Variants in TANC1 observed in about 807,000 individuals in gnomAD.
TANC1 encodes protein TANC1.
Under a neutral mutation model 149.7 loss-of-function variants are expected in TANC1, and 77 were observed. That is an observed-to-expected ratio of 0.51 (90% CI 0.43 to 0.62). The LOEUF (loss-of-function observed/expected upper bound fraction) is 0.62, where lower values mean the gene tolerates loss of function less well. Among genes scored for constraint, TANC1 ranks in the 20% least tolerant of loss-of-function variants. The pLI, the probability that TANC1 is intolerant of heterozygous loss-of-function variation, is 0.00. For synonymous variants in TANC1, 854 were observed against 925.0 expected (o/e 0.92, Z 1.39); for missense variants, 1,985 against 2,321.8 (o/e 0.85, Z 2.98).
chr2:159,068,114 T>C (rs887030789), intron 3 of TANC1, among the ~76,000 whole-genome samples: 2 of 152,204 alleles, frequency 1.3e-5, no homozygotes, highest in African/African-American at 2.4e-5. Context: ...CTGGTTGTAT[T>C]AGGCTAGCAA....
chr2:159,062,973 C>CAAAGAAAAAAA (rs2042358553), intron 2 of TANC1, among the ~76,000 whole-genome samples: 1 of 41,216 alleles, frequency 2.4e-5, no homozygotes, highest in Non-Finnish European at 5.4e-5. Flanking sequence ...GACTCCGTCT[C>CAAAGAAAAAAA]AAAAAAAAAA....
intron 19 of TANC1, among the ~76,000 whole-genome samples, chr2:159,208,575 G>T (rs1202148319): frequency 1.3e-5 from 2 of 152,150 alleles, no homozygotes; most frequent in African/African-American, 4.8e-5. Flanking sequence ...CGGTGAAAAT[G>T]GGTTCATGTC....
intron 5 of TANC1, chr2:159,148,893 G>A (rs1222748063): frequency 1.5e-5 from 5 of 332,230 alleles, no homozygotes; most frequent in South Asian, 9.5e-5. Context: ...AGGAATTGCC[G>A]TCAGATAACA....
intron 4 of TANC1, among the ~76,000 whole-genome samples, chr2:159,128,786 G>C (rs895780265): frequency 6.6e-5 from 10 of 152,188 alleles, no homozygotes; most frequent in Admixed American, 2.6e-4. Context: ...TCTTTTGTTG[G>C]GGGGGCAGGG....
At position 159,231,370 on chromosome 2, in the gene TANC1, A is replaced by G. The variant is rs1387628159; in HGVS notation, c.*358A>G. The stretch of plus-strand genomic sequence containing the variant: ...AGAGAATAAATATGTCTATTGTTCA[A>G]GAGTAACAGGTTTAACTCATGACCA... On this transcript the variant is annotated 3_prime_UTR_variant, in exon 27 of 27. Coordinates refer to ENST00000263635, the MANE Select transcript of TANC1 (RefSeq NM_033394.3). The G allele has an allele frequency of 1.1e-5, 2 of 187,956 alleles. No individual in the cohort carries two copies. Among genetic ancestry groups the G allele is most frequent in the Non-Finnish European group, 2.2e-5 (2 of 89,470 alleles). 11.6% of individuals were successfully genotyped at this position (187,956 alleles called of 1,614,324 possible).
intron 3 of TANC1, among the ~76,000 whole-genome samples, chr2:159,076,612 A>G (rs2043706409): frequency 6.6e-6 from 1 of 152,232 alleles, no homozygotes; most frequent in African/African-American, 2.4e-5. Flanking sequence ...ACTTCTATCC[A>G]TGGCTGCATG....
At chr2:159,153,684 G>C (rs2053108453) in intron 7 of TANC1, among the ~76,000 whole-genome samples, 1 of 152,204 alleles carries the variant, frequency 6.6e-6, no homozygotes. Context: ...GGGACAGAAA[G>C]GGGAAGAGCT....
intron 4 of TANC1, among the ~76,000 whole-genome samples, chr2:159,101,267 C>A (rs1171011699): frequency 6.6e-6 from 1 of 152,154 alleles, no homozygotes; most frequent in African/African-American, 2.4e-5. Context: ...AACAATTATT[C>A]TTGCAAGGAT....
At chr2:159,193,511 A>G (rs59554153) in intron 16 of TANC1, among the ~76,000 whole-genome samples, 2,205 of 152,038 alleles carry the variant, frequency 0.015, 45 homozygotes, top group African/African-American at 0.041. Flanking sequence ...TGGCCGTTCT[A>G]TTGTTATTTT....
chr2:159,186,784 G>A (rs2057000721), intron 15 of TANC1, 118 bp from the exon 16 acceptor site: 2 of 1,298,742 alleles, frequency 1.5e-6, no homozygotes, highest in African/African-American at 1.5e-5. Context: ...CGTGCCTTCT[G>A]CAGGTATCTG....
intron 4 of TANC1, among the ~76,000 whole-genome samples, chr2:159,106,918 T>C (rs2047241941): frequency 6.6e-6 from 1 of 152,260 alleles, no homozygotes; most frequent in African/African-American, 2.4e-5. Context: ...GTTTTTATAT[T>C]CTGAATACAG....
chr2:159,045,325 G>A (rs552395121), intron 2 of TANC1, among the ~76,000 whole-genome samples: 11 of 152,118 alleles, frequency 7.2e-5, no homozygotes, highest in Admixed American at 1.3e-4. Flanking sequence ...CCAGCTACTC[G>A]GGAGGCTGAG....
chr2:159,176,953 A>G (rs1053594291), intron 13 of TANC1, among the ~76,000 whole-genome samples: 3 of 123,616 alleles, frequency 2.4e-5, no homozygotes, highest in African/African-American at 9.4e-5. Context: ...TCTGTCACCC[A>G]GGATGGAGTG....
chr2:159,192,238 G>A (rs1015816905), intron 16 of TANC1, among the ~76,000 whole-genome samples: 1 of 152,032 alleles, frequency 6.6e-6, no homozygotes, highest in African/African-American at 2.4e-5. Context: ...GTTTCTTTTA[G>A]GAACACATCC....
At chr2:159,059,522 T>TAA (rs141438734) in intron 2 of TANC1, among the ~76,000 whole-genome samples, 74 of 147,624 alleles carry the variant, frequency 5.0e-4, no homozygotes, top group African/African-American at 1.7e-3. Flanking sequence ...ACCAAATATA[T>TAA]AAAAAAAAAA....
chr2:159,187,011 C>T lies in TANC1; in HGVS notation c.2729C>T (p.Thr910Ile), dbSNP rs2057027015. 5 of 1,614,186 alleles carry T rather than the reference C, an allele frequency of 3.1e-6. No individual in the cohort carries two copies. The highest frequency in any genetic ancestry group is 4.2e-6 in the Non-Finnish European group (5 of 1,180,016). The change falls in exon 16 of 27, where the codon ACT becomes ATT. Residue 910 changes from threonine (T) to isoleucine (I), a missense_variant. Physicochemically the swap from Thr to Ile is moderately conservative, Grantham distance 89 (BLOSUM62 -1). Transcript: ENST00000263635. ...AALASLRNLY[T>I]PNVKVSRLLI... is the part of the protein sequence containing the mutation. ...CTGGCCTCTCTCAGGAATCTCTATA[C>T]TCCCAACGTGAAGGTGAGCAACCTT...
intron 3 of TANC1, among the ~76,000 whole-genome samples, chr2:159,084,286 G>C (rs191581280): frequency 2.0e-5 from 3 of 151,612 alleles, no homozygotes; most frequent in Non-Finnish European, 2.9e-5. Flanking sequence ...CATTTTCTTC[G>C]TCACTCCTAG....
chr2:159,141,551 C>T (rs2051369387), intron 5 of TANC1, among the ~76,000 whole-genome samples: 1 of 152,154 alleles, frequency 6.6e-6, no homozygotes, highest in Non-Finnish European at 1.5e-5. Flanking sequence ...GGAGCAGGGA[C>T]TGTGTTTTGG....
intron 4 of TANC1, among the ~76,000 whole-genome samples, chr2:159,109,082 G>T (rs1400032916): frequency 6.6e-6 from 1 of 152,186 alleles, no homozygotes; most frequent in Non-Finnish European, 1.5e-5. Context: ...TACAGCTAAT[G>T]AGCTGACCTT....
Sources: allele counts gnomAD v4.1 joint callset (sites outside exome capture counted in the v4.1 genomes callset), GRCh38; gene constraint gnomAD v4.1.1; transcripts MANE v1.5; gene names NCBI Gene and HGNC (gene_info 2026-07-23, HGNC 2026-07-21).